FMN1: variants seen among roughly 807,000 people sequenced by gnomAD.
FMN1 encodes the protein formin 1.
Under a neutral mutation model 132.4 loss-of-function variants are expected in FMN1, and 110 were observed. The ratio of observed to expected loss-of-function variants is 0.83; its 90% CI spans 0.71 to 0.97. The LOEUF (loss-of-function observed/expected upper bound fraction) is 0.97. Among genes scored for constraint, FMN1 ranks in the 50% least tolerant of loss-of-function variants. The probability of loss-of-function intolerance (pLI) is 0.00; values close to 1 mark genes in which losing one functional copy is unlikely to be tolerated. For missense variants in FMN1, 1,792 were observed against 1,705.3 expected (o/e 1.05, Z -0.90); for synonymous variants, 722 against 651.7 (o/e 1.11, Z -1.64).
At chr15:33,119,933 A>G (rs1962396963) in intron 4 of FMN1, among the ~76,000 whole-genome samples, 1 of 152,214 alleles carries the variant, frequency 6.6e-6, no homozygotes. Context: ...TCTTCTATCT[A>G]AAGAGCTCAA....
intron 4 of FMN1, among the ~76,000 whole-genome samples, chr15:33,102,429 G>A (rs2039329980): frequency 1.3e-5 from 2 of 152,068 alleles, no homozygotes; most frequent in Admixed American, 1.3e-4. Flanking sequence ...CTAAATTTAA[G>A]TAAATGGAAG....
intron 2 of FMN1, 134 bp from the exon 3 acceptor site, chr15:33,180,396 G>T (rs2140339521): frequency 6.6e-6 from 1 of 152,268 alleles, no homozygotes. Context: ...GGATCACAAT[G>T]CTGACCCTTT....
intron 19 of FMN1, among the ~76,000 whole-genome samples, chr15:32,792,500 G>C (rs2057123681): frequency 6.6e-6 from 1 of 151,514 alleles, no homozygotes; most frequent in South Asian, 2.1e-4. Flanking sequence ...CAGTGGCAAA[G>C]AATTAGTTAG....
chr15:32,869,023 A>G lies in FMN1; in HGVS notation c.3836-11916T>C, dbSNP rs1013454536. Among the ~76,000 whole-genome samples the G allele has an allele frequency of 2.0e-5, 3 of 152,192 alleles. No homozygotes were observed. The South Asian group carries it at 6.2e-4, about 32-fold the overall frequency. On this transcript the variant is annotated intron_variant, in intron 16 of 20. Transcript: ENST00000616417. Reference sequence around the variant, plus strand: ...GCCAGGAAAGGCTCTCCAGGAGAGAAAACTTATGAGTTGAACTGCAAAGGT... The same window carrying G: ...GCCAGGAAAGGCTCTCCAGGAGAGAGAACTTATGAGTTGAACTGCAAAGGT...
chr15:32,791,084 A>C (rs1460413450), intron 19 of FMN1, among the ~76,000 whole-genome samples: 2 of 152,148 alleles, frequency 1.3e-5, no homozygotes, highest in Admixed American at 1.3e-4. Flanking sequence ...ATCCAGTGAG[A>C]ACACAAGGAA....
At chr15:32,946,644 A>C (rs1195179737) in intron 9 of FMN1, among the ~76,000 whole-genome samples, 2 of 152,196 alleles carry the variant, frequency 1.3e-5, no homozygotes, top group African/African-American at 4.8e-5. Flanking sequence ...TGATTTGAAA[A>C]ATAAAATCTA....
At chr15:32,831,890 G>GTGT (rs936283789) in intron 17 of FMN1, among the ~76,000 whole-genome samples, 5 of 152,124 alleles carry the variant, frequency 3.3e-5, no homozygotes, top group South Asian at 2.1e-4. Flanking sequence ...CAAAGTGGAG[G>GTGT]TAGAAACTGG....
intron 17 of FMN1, among the ~76,000 whole-genome samples, chr15:32,835,270 T>C (rs1038261564): frequency 6.6e-6 from 1 of 152,210 alleles, no homozygotes; most frequent in Non-Finnish European, 1.5e-5. Flanking sequence ...TGAAAACTGA[T>C]TTTAAATAAG....
chr15:33,068,810 G>C (rs755397334), intron 5 of FMN1, among the ~76,000 whole-genome samples: 10 of 152,138 alleles, frequency 6.6e-5, no homozygotes, highest in Non-Finnish European at 1.2e-4. Flanking sequence ...ACCACACCCA[G>C]TGTCCACCAG....
chr15:33,191,438 C>T (rs150500734), intron 2 of FMN1, among the ~76,000 whole-genome samples: 1 of 152,188 alleles, frequency 6.6e-6, no homozygotes, highest in African/African-American at 2.4e-5. Flanking sequence ...TTACAGAGAT[C>T]ATGGTCATTT....
At chr15:32,990,309 C>T (rs561998432) in intron 7 of FMN1, among the ~76,000 whole-genome samples, 46 of 152,062 alleles carry the variant, frequency 3.0e-4, no homozygotes, top group African/African-American at 9.6e-4. Flanking sequence ...AGAAGCACAC[C>T]GTGAGGAAGA....
chr15:33,103,506 G>C (rs191582239), intron 4 of FMN1, among the ~76,000 whole-genome samples: 1 of 152,106 alleles, frequency 6.6e-6, no homozygotes, highest in Non-Finnish European at 1.5e-5. Flanking sequence ...AGGGCAAAAA[G>C]GTAGAATGAG....
At chr15:33,058,944 AT>A (rs760929230) in intron 6 of FMN1, among the ~76,000 whole-genome samples, 2 of 152,166 alleles carry the variant, frequency 1.3e-5, no homozygotes, top group Non-Finnish European at 2.9e-5. Context: ...AGAATACATT[AT>A]TTTTTACTAT....
rs1031065564 is a variant in FMN1, at chr15:33,153,722, G to A, written c.1193C>T (p.Ser398Leu). The change falls in exon 4 of 21, where the codon TCG becomes TTG. Residue 398 changes from serine to leucine, a missense_variant. Around this residue, in one of 3 missense-constraint regions of FMN1, gnomAD observed 638 missense variants for 645.2 expected, o/e 0.99. Coordinates refer to ENST00000616417, the MANE Select transcript of FMN1 (RefSeq NM_001277313.2). ...KERQGDRSSQ[S>L]PAGETASISS... ...AATGGAGGCTGTTTCCCCGGCTGGCGACTGCGATGACCTATCCCCTTGCCG... is the reference window on the plus strand; with the variant it reads ...AATGGAGGCTGTTTCCCCGGCTGGCAACTGCGATGACCTATCCCCTTGCCG... 1.3e-5 allele frequency: 20 copies of A among 1,536,094 alleles called. No homozygotes were observed. The highest frequency in any genetic ancestry group is 1.4e-5 in the Non-Finnish European group (16 of 1,146,948).
chr15:33,047,338 G>A (rs2141152916), intron 6 of FMN1, among the ~76,000 whole-genome samples: 1 of 152,270 alleles, frequency 6.6e-6, no homozygotes, highest in Non-Finnish European at 1.5e-5. Flanking sequence ...CAGGCTTCTT[G>A]TTTTCACCTG....
At chr15:32,811,990 GTGAAT>G (rs1490214493) in intron 17 of FMN1, among the ~76,000 whole-genome samples, 10 of 150,402 alleles carry the variant, frequency 6.6e-5, no homozygotes, top group African/African-American at 2.5e-4. Context: ...TGCCCCTTAA[GTGAAT>G]TGGAGTATTT....
intron 9 of FMN1, among the ~76,000 whole-genome samples, chr15:32,930,641 GTTGA>G (rs1343267202): frequency 2.0e-5 from 3 of 151,384 alleles, no homozygotes; most frequent in Non-Finnish European, 4.4e-5. Flanking sequence ...TTTTTACTCC[GTTGA>G]TTGTTTCCTT....
chr15:33,128,690 G>A (rs967435679), intron 4 of FMN1, among the ~76,000 whole-genome samples: 10 of 152,126 alleles, frequency 6.6e-5, no homozygotes, highest in African/African-American at 2.2e-4. Context: ...CTGACTTCAC[G>A]AATAAACCCG....
intron 17 of FMN1, among the ~76,000 whole-genome samples, chr15:32,848,463 T>G (rs1354148689): frequency 5.3e-5 from 8 of 152,208 alleles, no homozygotes; most frequent in African/African-American, 7.2e-5. Context: ...AGAGCGATGT[T>G]GAAGAAGGCA....
Sources: gnomAD v4.1 joint callset for allele counts (sites outside exome capture counted in the v4.1 genomes callset) on GRCh38, gnomAD v4.1.1 for gene constraint, gnomAD v4.1.1 regional missense constraint, MANE v1.5 for transcripts, NCBI Gene and HGNC (gene_info 2026-07-23, HGNC 2026-07-21) for gene names.